The following THUMPD3 variants were observed in gnomAD, a reference collection of about 807,000 sequenced individuals.
THUMPD3 encodes tRNA (guanine(6)-N(2))-methyltransferase THUMP3.
A neutral mutation model predicts 54.5 loss-of-function variants in THUMPD3; 44 were observed. The ratio of observed to expected loss-of-function variants is 0.81; its 90% CI spans 0.63 to 1.04. THUMPD3 has a LOEUF of 1.04. Among genes scored for constraint, THUMPD3 ranks in the 50% least tolerant of loss-of-function variants. THUMPD3 has a pLI of 0.00. For synonymous variants in THUMPD3, 196 were observed against 201.4 expected, an observed-to-expected ratio of 0.97 and a Z score of 0.23; for missense variants, 604 against 601.3, an observed-to-expected ratio of 1.00 and a Z score of -0.05.
At chr3:9,371,724 A>G (rs559364728) in intron 4 of THUMPD3, among the ~76,000 whole-genome samples, 188 bp downstream of exon 4, 1 of 152,366 alleles carries the variant, frequency 6.6e-6, no homozygotes, top group East Asian at 1.9e-4. Flanking sequence ...TGGACTAGAT[A>G]GTCTCTGAGC....
intron 9 of THUMPD3, 43 bp from the exon 10 acceptor site, chr3:9,384,481 G>A (rs945463338): frequency 6.2e-7 from 1 of 1,612,076 alleles, no homozygotes; most frequent in South Asian, 1.1e-5. Context: ...TGATGTAAAA[G>A]TAGATTGTCA....
chr3:9,371,451 C>T lies in THUMPD3; in HGVS notation c.722C>T (p.Thr241Ile), dbSNP rs1462610501. Reference protein sequence around the residue: ...CNRAGEKHCFTSNEAARDFGG... With the variant: ...CNRAGEKHCFISNEAARDFGG... ...AGGGCAGGAGAGAAACATTGCTTTA[C>T]CTCAAATGAGGCTGCAAGAGATTTT... The change falls in exon 4 of 10, where the codon ACC becomes ATC. Residue 241 changes from threonine to isoleucine, a missense_variant. Transcript: ENST00000452837. 1 of 1,614,168 alleles carries T rather than the reference C, an allele frequency of 6.2e-7. No homozygotes were observed. Among genetic ancestry groups the T allele is most frequent in the Non-Finnish European group, 8.5e-7 (1 of 1,180,028 alleles).
rs1314013966 is a variant in THUMPD3, at chr3:9,386,293, A to AC, written c.*1607dup. On this transcript the variant is annotated 3_prime_UTR_variant, in exon 10 of 10. Transcript: ENST00000452837. The stretch of plus-strand genomic sequence containing the variant: ...CAAAACTTTTCACCTGATGGGAGAA[A>AC]CCATTTAAACCTCAAATTAAGCAAC... The AC allele has an allele frequency of 6.6e-6, 1 of 152,026 alleles. No individual in the cohort carries two copies. The highest frequency in any genetic ancestry group is 2.4e-5 in the African/African-American group (1 of 41,382). The allele number at this position is 152,026 out of a possible 1,614,324, so 9.4% of individuals were successfully genotyped here.
chr3:9,371,031 G>T, intron 3 of THUMPD3, 29 bp from the exon 4 acceptor site: 1 of 1,474,932 alleles, frequency 6.8e-7, no homozygotes, highest in Non-Finnish European at 9.1e-7. Context: ...GGTGAGAAAT[G>T]AATGAATTTC....
rs2032569768 is a variant in THUMPD3 at position 9,377,691 on chromosome 3, AAT to A, written c.939-125_939-124del. 4.5e-6 allele frequency: 3 copies of A among 669,376 alleles called. No individual in the cohort carries two copies. The East Asian group carries it at 8.2e-5, about 18-fold the overall frequency. 41.5% of individuals were successfully genotyped at this position (669,376 alleles called of 1,614,324 possible). On this transcript the variant is annotated intron_variant, in intron 5 of 9. Transcript: ENST00000452837. ...TGCGCGGCCACAAATTGATTTCTAA[AAT>A]ATGTGTAGATTGGTGTTCCTTCGGG...
In THUMPD3 at chr3:9,383,213, G is replaced by A. The variant is rs754216864; in HGVS notation, c.1139G>A (p.Gly380Asp). Residue 380 changes from glycine (G) to aspartate (D), a missense_variant, in exon 8 of 10, where the codon GGC (glycine) becomes GAC (aspartate). Gly to Asp is a moderately conservative substitution (Grantham distance 94). Coordinates refer to ENST00000452837, the MANE Select transcript of THUMPD3 (RefSeq NM_001114092.2). ...TGTCCCCACAGCAAACCCTCCTGGG[G>A]CTTGCCCATAGATGCTGTTCAGTGG... ...SQIKEGKPSWGLPIDAVQWDI... is the reference protein window; with the variant it reads ...SQIKEGKPSWDLPIDAVQWDI... 2 of 1,613,802 alleles carry A rather than the reference G, an allele frequency of 1.2e-6. No homozygotes were observed. Among genetic ancestry groups the A allele is most frequent in the Admixed American group, 3.3e-5 (2 of 60,024 alleles).
At chr3:9,375,898 C>T (rs953356827) in intron 5 of THUMPD3, among the ~76,000 whole-genome samples, 1 of 152,186 alleles carries the variant, frequency 6.6e-6, no homozygotes, top group Non-Finnish European at 1.5e-5. Context: ...ATTATAATTA[C>T]TGCATTCATA....
rs560148199 is a variant in THUMPD3, at chr3:9,385,853, C to T, written c.*1165C>T. 3.3e-5 allele frequency: 5 copies of T among 152,244 alleles called. No homozygotes were observed. In the South Asian group the frequency reaches 6.2e-4, roughly 19 times the overall value. 9.4% of individuals were successfully genotyped at this position (152,244 alleles called of 1,614,324 possible). A position where few individuals can be genotyped will look rare whatever the true frequency, so the allele number is the denominator to read the frequency against. On this transcript the variant is annotated 3_prime_UTR_variant, in exon 10 of 10. Transcript: ENST00000452837. The stretch of plus-strand genomic sequence containing the variant: ...TGAGTTGTTACTTTCTCCTGGATCA[C>T]GATTCACATTTAATTGCTTTTCCAG...
Position 9,383,310 on chromosome 3 carries a change from G to T in THUMPD3, c.1235+1G>T. ...TAACAGATTTGCCATTTGGAAAAAGGTGAGAAATACTAGTACCTGCTTGTC... is the reference window on the plus strand; with the variant it reads ...TAACAGATTTGCCATTTGGAAAAAGTTGAGAAATACTAGTACCTGCTTGTC... On this transcript the variant is annotated splice_donor_variant, in intron 8 of 9. Transcript: ENST00000452837. LOFTEE classifies it high-confidence loss of function. 1.3e-6 allele frequency: 2 copies of T among 1,599,198 alleles called. No individual in the cohort carries two copies. The highest frequency in any genetic ancestry group is 8.6e-7 in the Non-Finnish European group (1 of 1,166,544).
At chr3:9,367,035 A>G (rs772543884) in intron 3 of THUMPD3, 50 bp downstream of exon 3, 1 of 1,397,380 alleles carries the variant, frequency 7.2e-7, no homozygotes, top group Non-Finnish European at 1.0e-6. Flanking sequence ...TTCCACAAAG[A>G]GATTATTTCC....
Position 9,364,200 on chromosome 3 carries a change from CTAAT to C in THUMPD3, c.-53-813_-53-810del, listed in dbSNP as rs1187604111. Among the ~76,000 whole-genome samples the C allele has an allele frequency of 2.0e-5, 3 of 152,114 alleles. No homozygotes were observed. The South Asian group carries it at 6.2e-4, about 32-fold the overall frequency. ...TAACGACTCTAGGAAAGAGGTATTA[CTAAT>C]TACTTAATTACATTTGAAGGTTTGG... On this transcript the variant is annotated intron_variant, in intron 1 of 9. Transcript: ENST00000452837.
chr3:9,377,044 A>G lies in THUMPD3; in HGVS notation c.939-775A>G, dbSNP rs571500146. Among the ~76,000 whole-genome samples the G allele has an allele frequency of 1.2e-4, 19 of 152,182 alleles. No homozygotes were observed. In the South Asian group the frequency reaches 3.5e-3, roughly 28 times the overall value. ...TAGTCCCACAGAGCAATTTTTTTAT[A>G]TCAAGATTAGCTTTAAATTCAGAAG... On this transcript the variant is annotated intron_variant, in intron 5 of 9. Coordinates refer to ENST00000452837, the MANE Select transcript of THUMPD3 (RefSeq NM_001114092.2).
intron 1 of THUMPD3, chr3:9,363,777 C>G (rs1001872001): frequency 6.7e-6 from 1 of 149,930 alleles, no homozygotes; most frequent in Non-Finnish European, 1.5e-5. Context: ...AGTAAGTATT[C>G]AGTTAACCAT....
At chr3:9,374,781 T>A in intron 5 of THUMPD3, 135 bp downstream of exon 5, 1 of 1,016,122 alleles carries the variant, frequency 9.8e-7, no homozygotes, top group Non-Finnish European at 1.4e-6. Flanking sequence ...AATGGAAAGC[T>A]AATGATCTAT....
chr3:9,374,119 G>A (rs1436858874), intron 4 of THUMPD3, among the ~76,000 whole-genome samples: 3 of 151,996 alleles, frequency 2.0e-5, no homozygotes, highest in Non-Finnish European at 4.4e-5. Flanking sequence ...CCAAAAATTC[G>A]TTTTGCCAAT....
In THUMPD3 at chr3:9,380,574, AAAT is replaced by A; in HGVS notation, c.1083_1085del (p.Asn362del). ...ATCCACTGGCTGTGAATAGAGCAGC[AAAT>A]AACATTGCATCTTTATTGACCAAGA... On this transcript the variant is annotated inframe_deletion, in exon 7 of 10. Coordinates refer to ENST00000452837, the MANE Select transcript of THUMPD3 (RefSeq NM_001114092.2). 1 of 1,613,868 alleles carries A rather than the reference AAAT, an allele frequency of 6.2e-7. No individual in the cohort carries two copies. The highest frequency in any genetic ancestry group is 8.5e-7 in the Non-Finnish European group (1 of 1,179,874).
At chr3:9,376,067 A>T (rs768899338) in intron 5 of THUMPD3, among the ~76,000 whole-genome samples, 1 of 152,236 alleles carries the variant, frequency 6.6e-6, no homozygotes, top group Admixed American at 6.5e-5. Flanking sequence ...TAATTTAACA[A>T]ATATGCATTA....
chr3:9,379,817 C>T (rs1427279045), intron 6 of THUMPD3, among the ~76,000 whole-genome samples: 1 of 152,100 alleles, frequency 6.6e-6, no homozygotes, highest in African/African-American at 2.4e-5. Context: ...CTCAGCCTCT[C>T]GAGTAGCTGA....
chr3:9,384,510 TTG>T lies in THUMPD3; in HGVS notation c.1360-8_1360-7del, dbSNP rs1553596301. ...ATTGTCAACCTAATTGTTATTTTTT[TTG>T]TGTGTACACAGGCGTTATCTGGAAT... On this transcript the variant is annotated splice_polypyrimidine_tract_variant and intron_variant, in intron 9 of 9. Coordinates refer to ENST00000452837, the MANE Select transcript of THUMPD3 (RefSeq NM_001114092.2). 3.1e-6 allele frequency: 5 copies of T among 1,613,880 alleles called. No homozygotes were observed. The highest frequency in any genetic ancestry group is 2.2e-5 in the East Asian group (1 of 44,880).
Sources: allele counts gnomAD v4.1 joint callset (sites outside exome capture counted in the v4.1 genomes callset), GRCh38; gene constraint gnomAD v4.1.1; transcripts MANE v1.5; gene names NCBI Gene and HGNC (gene_info 2026-07-23, HGNC 2026-07-21).